CMC2: variants seen among roughly 807,000 people sequenced by gnomAD.
CMC2 encodes COX assembly mitochondrial protein 2 homolog.
In CMC2, 5 loss-of-function variants were observed where a neutral mutation model predicts 7.5. The ratio of observed to expected loss-of-function variants is 0.66; its 90% CI spans 0.35 to 1.40. The LOEUF is 1.40. CMC2 is among the 40% of genes most tolerant of loss of function. CMC2 has a pLI of 0.04. For missense variants in CMC2, 115 were observed against 92.3 expected, an observed-to-expected ratio of 1.25 and a Z score of -1.01; for synonymous variants, 37 against 31.4, an observed-to-expected ratio of 1.18 and a Z score of -0.60.
chr16:80,989,695 C>G (rs977531541), intron 2 of CMC2, among the ~76,000 whole-genome samples: 2 of 81,804 alleles, frequency 2.4e-5, no homozygotes, highest in African/African-American at 3.0e-5. Flanking sequence ...AACATAGACA[C>G]ACATTATCTA....
intron 2 of CMC2, among the ~76,000 whole-genome samples, chr16:80,992,996 C>T (rs1968127126): frequency 1.3e-5 from 2 of 152,102 alleles, no homozygotes; most frequent in African/African-American, 4.8e-5. Flanking sequence ...CACACTTTCC[C>T]CACACCTAGG....
At chr16:81,006,419 G>C (rs548151899) in intron 1 of CMC2, 1 of 152,378 alleles carries the variant, frequency 6.6e-6, no homozygotes, top group African/African-American at 2.4e-5. Context: ...TACCGGCGAG[G>C]AAGCCCCGGC....
rs1308124522 is a variant in CMC2, at chr16:80,972,539, C to T, written c.*3554G>A. On this transcript the variant is annotated 3_prime_UTR_variant, in exon 4 of 4. Coordinates refer to ENST00000219400, the MANE Select transcript of CMC2 (RefSeq NM_020188.5). ...AACTTCATTTATAAAAGGTGAGAAA[C>T]AGCTCAACTTTCTAGCCTCACTCTT... The T allele has an allele frequency of 1.3e-5, 2 of 152,128 alleles. No individual in the cohort carries two copies. Among genetic ancestry groups the T allele is most frequent in the African/African-American group, 2.4e-5 (1 of 41,418 alleles). 9.4% of individuals were successfully genotyped at this position (152,128 alleles called of 1,614,324 possible).
At chr16:80,977,334 G>A (rs1452729971) in intron 3 of CMC2, among the ~76,000 whole-genome samples, 2 of 152,072 alleles carry the variant, frequency 1.3e-5, no homozygotes, top group Non-Finnish European at 2.9e-5. Context: ...TTAAAGCAGA[G>A]GACCTTAAAA....
At position 80,997,296 on chromosome 16, in the gene CMC2, G is replaced by T; in HGVS notation, c.81+18C>A. The T allele has an allele frequency of 2.2e-6, 3 of 1,376,656 alleles. No homozygotes were observed. Among genetic ancestry groups the T allele is most frequent in the Non-Finnish European group, 2.1e-6 (2 of 963,836 alleles). 85.3% of individuals were successfully genotyped at this position (1,376,656 alleles called of 1,614,324 possible). On this transcript the variant is annotated intron_variant, in intron 2 of 3. Transcript: ENST00000219400. ...TAAGTTTCATTTTGGCTGTACAGTC[G>T]TTTTTCTGAACTCTTACATTTTTGT...
At chr16:80,997,263 G>A in intron 2 of CMC2, 51 bp downstream of exon 2, 2 of 986,954 alleles carry the variant, frequency 2.0e-6, no homozygotes, top group Non-Finnish European at 3.3e-6. Flanking sequence ...ACATCAGTGG[G>A]TTATAACTAA....
intron 3 of CMC2, among the ~76,000 whole-genome samples, chr16:80,979,617 A>AT (rs201345040): frequency 8.5e-4 from 120 of 140,802 alleles, no homozygotes; most frequent in East Asian, 2.9e-3. Flanking sequence ...TTTTTATTTT[A>AT]TTTTTTTTTA....
intron 2 of CMC2, among the ~76,000 whole-genome samples, chr16:80,995,696 C>G (rs562111031): frequency 6.6e-6 from 1 of 152,218 alleles, no homozygotes; most frequent in South Asian, 2.1e-4. Flanking sequence ...AAATTTCTAA[C>G]AAATTCTAGA....
chr16:80,988,667 A>C (rs1469849449), intron 2 of CMC2: 4 of 690,014 alleles, frequency 5.8e-6, no homozygotes, highest in Non-Finnish European at 1.1e-5. Flanking sequence ...CATTAACACT[A>C]GTATCTAATT....
chr16:81,006,655 G>T (rs1386849333), intron 1 of CMC2, 79 bp downstream of exon 1: 1 of 959,438 alleles, frequency 1.0e-6, no homozygotes, highest in Non-Finnish European at 1.2e-6. Flanking sequence ...GCAGGAAGGG[G>T]CTCGGCGGGA....
chr16:80,976,430 C>T (rs1253337327), intron 3 of CMC2, among the ~76,000 whole-genome samples: 2 of 152,156 alleles, frequency 1.3e-5, no homozygotes, highest in African/African-American at 4.8e-5. Context: ...CATCTACATG[C>T]TAATAGATGC....
Position 80,974,405 on chromosome 16 carries a change from C to CA in CMC2, c.*1687dup, listed in dbSNP as rs1912132599. 6.6e-6 allele frequency: 1 copy of CA among 152,156 alleles called. No individual in the cohort carries two copies. Among genetic ancestry groups the CA allele is most frequent in the Non-Finnish European group, 1.5e-5 (1 of 68,042 alleles). The allele number at this position is 152,156 out of a possible 1,614,324, so 9.4% of individuals were successfully genotyped here. A position where few individuals can be genotyped will look rare whatever the true frequency, so the allele number is the denominator to read the frequency against. ...CAGCCTTCCAACTAACTCCTCTACCCAAATCCCTAATCACCATATTAAAAC... is the reference window on the plus strand; with the variant it reads ...CAGCCTTCCAACTAACTCCTCTACCCAAAATCCCTAATCACCATATTAAAAC... On this transcript the variant is annotated 3_prime_UTR_variant, in exon 4 of 4. Coordinates refer to ENST00000219400, the MANE Select transcript of CMC2 (RefSeq NM_020188.5).
At position 80,976,177 on chromosome 16, in the gene CMC2, G is replaced by C. The variant is rs758905230; in HGVS notation, c.156C>G (p.Tyr52Ter). Reference protein sequence around the residue: ...RELRKCLKNEYVENRTKSREH... With the variant: ...RELRKCLKNE ...CCCTGCTCTTGGTCCTGTTTTCTAC[G>C]TACTGAAAAATAAAAGAAGGGGGGG... Residue 52 changes from tyrosine to a stop codon, truncating the protein, a stop_gained and splice_region_variant, in exon 4 of 4, where the codon TAC (tyrosine) becomes TAG (stop). Transcript: ENST00000219400. LOFTEE classifies it high-confidence loss of function. 14 of 1,554,126 alleles carry C rather than the reference G, an allele frequency of 9.0e-6. No homozygotes were observed. Among genetic ancestry groups the C allele is most frequent in the East Asian group, 2.3e-5 (1 of 44,222 alleles).
chr16:80,992,329 T>C (rs750537399), intron 2 of CMC2, among the ~76,000 whole-genome samples: 26 of 152,226 alleles, frequency 1.7e-4, no homozygotes, highest in African/African-American at 6.3e-4. Flanking sequence ...ACTCTATGCA[T>C]ACATTTTTTC....
chr16:81,005,118 C>T (rs1178290293), intron 1 of CMC2, among the ~76,000 whole-genome samples: 1 of 152,216 alleles, frequency 6.6e-6, no homozygotes, highest in Non-Finnish European at 1.5e-5. Context: ...AAACTGTAAA[C>T]ACTCCGCTTT....
intron 2 of CMC2, 184 bp downstream of exon 2, chr16:80,997,130 T>C: frequency 1.7e-6 from 1 of 597,228 alleles, no homozygotes; most frequent in Non-Finnish European, 3.0e-6. Context: ...TTACTAATCA[T>C]AAAAGGAGGT....
At position 81,000,159 on chromosome 16, in the gene CMC2, T is replaced by C. The variant is rs139682715; in HGVS notation, c.-35-2730A>G. On this transcript the variant is annotated intron_variant, in intron 1 of 3. Transcript: ENST00000219400. Reference sequence around the variant, plus strand: ...ACAAAGGTCTAATATCCAGAATCTATAAAGAAATTAATTCAACAAGTAAAA... The same window carrying C: ...ACAAAGGTCTAATATCCAGAATCTACAAAGAAATTAATTCAACAAGTAAAA... Among the ~76,000 whole-genome samples, 1,178 of 152,218 alleles carry C rather than the reference T, an allele frequency of 7.7e-3. 15 individuals are homozygous for C. Among genetic ancestry groups the C allele is most frequent in the African/African-American group, 0.027 (1,125 of 41,518 alleles).
At chr16:80,976,912 C>T (rs1330808750) in intron 3 of CMC2, among the ~76,000 whole-genome samples, 1 of 151,980 alleles carries the variant, frequency 6.6e-6, no homozygotes, top group Non-Finnish European at 1.5e-5. Context: ...TATAAAATGA[C>T]TTTTATTTCA....
chr16:80,980,953 C>T (rs56231346), intron 3 of CMC2: 8,684 of 572,934 alleles, frequency 0.015, 430 homozygotes, highest in African/African-American at 0.12. Flanking sequence ...GTTCTTCAAA[C>T]AGTAAAGGTG....
Sources: allele counts gnomAD v4.1 joint callset (sites outside exome capture counted in the v4.1 genomes callset), GRCh38; gene constraint gnomAD v4.1.1; transcripts MANE v1.5; gene names NCBI Gene and HGNC (gene_info 2026-07-23, HGNC 2026-07-21).